The following ADAMTS13 variants were observed in gnomAD, a reference collection of about 807,000 sequenced individuals.
ADAMTS13 encodes the protein ADAM metallopeptidase with thrombospondin type 1 motif 13.
A neutral mutation model predicts 155.1 loss-of-function variants in ADAMTS13; 110 were observed. The observed-to-expected ratio is 0.71, with a 90% confidence interval of 0.61 to 0.83. The LOEUF (loss-of-function observed/expected upper bound fraction) is 0.83. Ranked by LOEUF, ADAMTS13 falls within the 40% of genes least tolerant of loss-of-function variation. The pLI is 0.00. For synonymous variants in ADAMTS13, 758 were observed against 756.4 expected (o/e 1.00, Z -0.03); for missense variants, 1,707 against 1,891.7 (o/e 0.90, Z 1.81).
chr9:133,448,788 C>T lies in ADAMTS13; in HGVS notation c.2861+60C>T, dbSNP rs587650317. 7 of 1,576,124 alleles carry T rather than the reference C, an allele frequency of 4.4e-6. No homozygotes were observed. The South Asian group carries it at 6.8e-5, about 15-fold the overall frequency. ...CTCCCTGTAAGTGGGAGACCCGAGCCTTGGCTCCATGCCCGGTGACCTGCG... is the reference window on the plus strand; with the variant it reads ...CTCCCTGTAAGTGGGAGACCCGAGCTTTGGCTCCATGCCCGGTGACCTGCG... On this transcript the variant is annotated intron_variant, in intron 22 of 28. Coordinates refer to ENST00000355699, the MANE Select transcript of ADAMTS13 (RefSeq NM_139027.6).
Position 133,426,405 on chromosome 9 carries a change from G to A in ADAMTS13, c.686+60G>A, listed in dbSNP as rs910966104. On this transcript the variant is annotated intron_variant, in intron 6 of 28. Coordinates refer to ENST00000355699, the MANE Select transcript of ADAMTS13 (RefSeq NM_139027.6). The stretch of plus-strand genomic sequence containing the variant: ...CAAGGAGCTGACCTGGGTACCCAGG[G>A]TGGAGGTGGTCTTGGCAAGCAGTGG... 6.9e-6 allele frequency: 11 copies of A among 1,593,624 alleles called. No individual in the cohort carries two copies. The South Asian group carries it at 1.0e-4, about 14-fold the overall frequency.
In ADAMTS13 at chr9:133,456,464, G is replaced by T; in HGVS notation, c.3548-79G>T. On this transcript the variant is annotated intron_variant, in intron 26 of 28. Coordinates refer to ENST00000355699, the MANE Select transcript of ADAMTS13 (RefSeq NM_139027.6). The surrounding 1 kb of genome is among the most constrained non-coding windows in gnomAD (Gnocchi z 4.4). ...AGTGGGAGAGGTGGGACTTGAACTC[G>T]GCTCAGTCTACCCTGGAGCCACTCC... 3 of 1,552,628 alleles carry T rather than the reference G, an allele frequency of 1.9e-6. No individual in the cohort carries two copies. Among genetic ancestry groups the T allele is most frequent in the Non-Finnish European group, 8.8e-7 (1 of 1,141,636 alleles).
chr9:133,432,614 C>A lies in ADAMTS13; in HGVS notation c.1014C>A (p.His338Gln), dbSNP rs999786418. 6.4e-7 allele frequency: 1 copy of A among 1,555,680 alleles called. No homozygotes were observed. Among genetic ancestry groups the A allele is most frequent in the African/African-American group, 1.4e-5 (1 of 73,520 alleles). ...HLDMCQALSCHTDPLDQSSCS... is the reference protein window; with the variant it reads ...HLDMCQALSCQTDPLDQSSCS... ...ATATGTGCCAGGCCCTCTCCTGCCA[C>A]ACAGACCCGCTGGACCAAAGCAGCT... The change falls in exon 9 of 29, where the codon CAC becomes CAA. Residue 338 changes from histidine to glutamine, a missense_variant. Transcript: ENST00000355699.
chr9:133,425,705 C>G lies in ADAMTS13; in HGVS notation c.414+93C>G. On this transcript the variant is annotated intron_variant, in intron 4 of 28. Coordinates refer to ENST00000355699, the MANE Select transcript of ADAMTS13 (RefSeq NM_139027.6). The surrounding 1 kb of genome is among the most constrained non-coding windows in gnomAD (Gnocchi z 4.6). Reference sequence around the variant, plus strand: ...TCTTTAACCTCTTGTCCCGGATGCCCCAAGCAGCATGGATCACAGAATGCA... The same window carrying G: ...TCTTTAACCTCTTGTCCCGGATGCCGCAAGCAGCATGGATCACAGAATGCA... The G allele has an allele frequency of 4.1e-6, 6 of 1,464,762 alleles. No individual in the cohort carries two copies. Among genetic ancestry groups the G allele is most frequent in the Non-Finnish European group, 5.6e-6 (6 of 1,068,472 alleles). 90.7% of individuals were successfully genotyped at this position (1,464,762 alleles called of 1,614,324 possible). A position where few individuals can be genotyped will look rare whatever the true frequency, so the allele number is the denominator to read the frequency against.
chr9:133,429,665 C>T lies in ADAMTS13; in HGVS notation c.825-274C>T, dbSNP rs1357907950. The stretch of plus-strand genomic sequence containing the variant: ...CCCCTTCCCGCCGACCGCACCGCTC[C>T]CGGGCCTAACCTGCATCTGCTCCAT... On this transcript the variant is annotated intron_variant, in intron 7 of 28. Transcript: ENST00000355699. 4 of 647,598 alleles carry T rather than the reference C, an allele frequency of 6.2e-6. No homozygotes were observed. In the African/African-American group the frequency reaches 7.2e-5, roughly 12 times the overall value. 40.1% of individuals were successfully genotyped at this position (647,598 alleles called of 1,614,324 possible). A position where few individuals can be genotyped will look rare whatever the true frequency, so the allele number is the denominator to read the frequency against.
At chr9:133,439,547 G>A in intron 15 of ADAMTS13, 101 bp downstream of exon 15, 4 of 1,118,932 alleles carry the variant, frequency 3.6e-6, no homozygotes, top group South Asian at 1.2e-5. Context: ...GCAAGTTCAG[G>A]GGGTTCCCCA....
intron 23 of ADAMTS13, among the ~76,000 whole-genome samples, chr9:133,450,949 C>T (rs1554794187): frequency 6.6e-6 from 1 of 152,122 alleles, no homozygotes; most frequent in Non-Finnish European, 1.5e-5. Flanking sequence ...GCTGTGAGCA[C>T]CAGCATTCTG....
chr9:133,415,767 C>G (rs1471559296), intron 1 of ADAMTS13: 1 of 152,234 alleles, frequency 6.6e-6, no homozygotes, highest in Admixed American at 6.5e-5. Flanking sequence ...ACTTATTTTG[C>G]TTTTCTTTCT....
rs587618046 is a variant in ADAMTS13, at chr9:133,449,897, C to T, written c.2976C>T (p.Asp992=). 113 of 1,613,758 alleles carry T rather than the reference C, an allele frequency of 7.0e-5. 3 individuals are homozygous for T. The South Asian group carries it at 1.0e-3, about 15-fold the overall frequency. Residue 992 remains aspartate (D), a synonymous_variant, in exon 23 of 29, where the codon GAC becomes GAT. Coordinates refer to ENST00000355699, the MANE Select transcript of ADAMTS13 (RefSeq NM_139027.6). ...GEDDGEEILL[D]TQCQGLPRPE... ...ACGATGGTGAGGAGATCCTGTTGGA[C>T]ACCCAGTGCCAGGGGCTGCCTCGCC...
intron 11 of ADAMTS13, among the ~76,000 whole-genome samples, chr9:133,435,603 C>T (rs1554788763): frequency 6.6e-6 from 1 of 151,188 alleles, no homozygotes. Context: ...GATCTCGGCT[C>T]ACTCTAAGCT....
At chr9:133,430,974 A>T (rs940680891) in intron 8 of ADAMTS13, among the ~76,000 whole-genome samples, 19 of 146,338 alleles carry the variant, frequency 1.3e-4, no homozygotes, top group African/African-American at 2.9e-4. Flanking sequence ...CTTTTTTTTT[A>T]AATTCTTTTG....
At chr9:133,443,663 C>T (rs1233723118) in intron 19 of ADAMTS13, 102 bp downstream of exon 19, 3 of 1,328,074 alleles carry the variant, frequency 2.3e-6, no homozygotes, top group African/African-American at 3.0e-5. Context: ...CCTGAGGCCT[C>T]CGGCGGGGCC....
Position 133,456,995 on chromosome 9 carries a change from G to A in ADAMTS13, c.3724+276G>A, listed in dbSNP as rs782730537. 1 of 561,918 alleles carries A rather than the reference G, an allele frequency of 1.8e-6. No homozygotes were observed. Among genetic ancestry groups the A allele is most frequent in the Non-Finnish European group, 3.3e-6 (1 of 302,884 alleles). The allele number at this position is 561,918 out of a possible 1,614,324, so 34.8% of individuals were successfully genotyped here. ...TCCTCAGTCAGTCCCTCAGGCCTCTGCCCCACACCCACCTGCCCCGCCCCC... is the reference window on the plus strand; with the variant it reads ...TCCTCAGTCAGTCCCTCAGGCCTCTACCCCACACCCACCTGCCCCGCCCCC... On this transcript the variant is annotated intron_variant, in intron 27 of 28. Transcript: ENST00000355699. The surrounding 1 kb of genome is among the most constrained non-coding windows in gnomAD (Gnocchi z 4.4).
upstream of ADAMTS13, among the ~76,000 whole-genome samples, chr9:133,419,347 A>T (rs782611711): frequency 3.5e-4 from 53 of 152,180 alleles, no homozygotes; most frequent in Non-Finnish European, 6.3e-4. Flanking sequence ...TCAGTCACCA[A>T]GGAGAGACGT....
intron 1 of ADAMTS13, among the ~76,000 whole-genome samples, chr9:133,422,752 G>A (rs587620628): frequency 1.0e-3 from 158 of 152,022 alleles, no homozygotes; most frequent in African/African-American, 3.7e-3. Context: ...CTGCTCATTC[G>A]GTGAAGCTGA....
chr9:133,437,620 C>T (rs782199654), intron 12 of ADAMTS13, 129 bp from the exon 13 acceptor site: 12 of 1,023,554 alleles, frequency 1.2e-5, no homozygotes, highest in Non-Finnish European at 1.8e-5. Context: ...AGGATTATTG[C>T]CTTAGGAGGT....
chr9:133,458,120 C>T (rs781847817), intron 28 of ADAMTS13, 26 bp downstream of exon 28: 1 of 1,610,538 alleles, frequency 6.2e-7, no homozygotes, highest in Admixed American at 1.7e-5. Flanking sequence ...GGGACTTGTG[C>T]TGTGATTCTG....
At position 133,445,791 on chromosome 9, in the gene ADAMTS13, A is replaced by G. The variant is rs1290864867; in HGVS notation, c.2703A>G (p.Ala901=). 1.9e-6 allele frequency: 3 copies of G among 1,595,838 alleles called. No homozygotes were observed. The highest frequency in any genetic ancestry group is 2.7e-5 in the African/African-American group (2 of 74,622). ...AQAAHVWTPA[A]GSCSVSCGRG... is the part of the protein sequence containing the mutation. ...CTGCACACGTGTGGACCCCTGCGGC[A>G]GGGTCGTGCTCCGTCTCCTGCGGGC... Residue 901 remains alanine, a synonymous_variant, in exon 21 of 29, where the codon GCA becomes GCG. Transcript: ENST00000355699. This position sits in a 1 kb window ranked among gnomAD's most constrained non-coding sequence, Gnocchi z 5.0.
upstream of ADAMTS13, among the ~76,000 whole-genome samples, chr9:133,420,320 G>A (rs925638253): frequency 1.3e-5 from 2 of 152,232 alleles, no homozygotes; most frequent in African/African-American, 4.8e-5. Context: ...CTCCCAAAGT[G>A]CTGGGATTAA....
Sources: allele counts gnomAD v4.1 joint callset (sites outside exome capture counted in the v4.1 genomes callset), GRCh38; gene constraint gnomAD v4.1.1; non-coding constraint Gnocchi (gnomAD v3.1); transcripts MANE v1.5; gene names NCBI Gene and HGNC (gene_info 2026-07-23, HGNC 2026-07-21).